Variants in PIK3AP1 observed in about 807,000 individuals in gnomAD.
PIK3AP1 encodes phosphoinositide-3-kinase adaptor protein 1.
In PIK3AP1, 21 loss-of-function variants were observed where a neutral mutation model predicts 88.1. The observed-to-expected ratio is 0.24, with a 90% CI of 0.17 to 0.34. The LOEUF (loss-of-function observed/expected upper bound fraction) is 0.34. Ranked by LOEUF, PIK3AP1 falls within the 10% of genes least tolerant of loss-of-function variation. The pLI is 1.00. For missense variants in PIK3AP1, 828 were observed against 1,035.7 expected (o/e 0.80, Z 2.75); for synonymous variants, 398 against 400.0 (o/e 1.00, Z 0.06).
intron 2 of PIK3AP1, among the ~76,000 whole-genome samples, chr10:96,663,850 T>A (rs1399611121): frequency 6.6e-6 from 1 of 152,194 alleles, no homozygotes; most frequent in South Asian, 2.1e-4. Context: ...CTAGTCATCA[T>A]GAGAATGCAA....
intron 8 of PIK3AP1, among the ~76,000 whole-genome samples, chr10:96,637,239 T>G (rs1471201035): frequency 1.3e-5 from 2 of 151,448 alleles, no homozygotes. Flanking sequence ...AGTAAGAAAG[T>G]CTAGCTTTTC....
chr10:96,628,847 CAT>C (rs1228071144), intron 8 of PIK3AP1, among the ~76,000 whole-genome samples: 1 of 138,420 alleles, frequency 7.2e-6, no homozygotes, highest in Non-Finnish European at 1.5e-5. Flanking sequence ...TACATATAAA[CAT>C]ATATATACAC....
rs745389661 is a variant in PIK3AP1 at position 96,626,747 on chromosome 10, C to T, written c.1630G>A (p.Ala544Thr). ...GGTTCGTTGTCAGGCAGCTGGTGAG[C>T]ACCAGGAGCAGTGGTCTCTGGTCTG... is the stretch of plus-strand genomic sequence containing the variant. Reference protein sequence around the residue: ...VPRPETTAPGAHQLPDNEPYI... With the variant: ...VPRPETTAPGTHQLPDNEPYI... The change falls in exon 10 of 17, where the codon GCT (alanine) becomes ACT (threonine). Residue 544 changes from alanine to threonine, a missense_variant. Around this residue, in one of 3 missense-constraint regions of PIK3AP1, gnomAD observed 610 missense variants for 760.1 expected, o/e 0.80. Transcript: ENST00000339364. 6.8e-6 allele frequency: 11 copies of T among 1,614,214 alleles called. No individual in the cohort carries two copies. The highest frequency in any genetic ancestry group is 9.3e-6 in the Non-Finnish European group (11 of 1,180,030).
intron 8 of PIK3AP1, among the ~76,000 whole-genome samples, chr10:96,638,471 GACACACACACAC>G (rs60796576): frequency 6.8e-6 from 1 of 148,130 alleles, no homozygotes; most frequent in Non-Finnish European, 1.5e-5. Context: ...CACACACACA[GACACACACACAC>G]ACACACACAC....
rs1490538895 is a variant in PIK3AP1 at position 96,616,634 on chromosome 10, C to T, written c.2014+5G>A. The T allele has an allele frequency of 1.9e-6, 3 of 1,613,894 alleles. No homozygotes were observed. The highest frequency in any genetic ancestry group is 2.5e-6 in the Non-Finnish European group (3 of 1,179,734). On this transcript the variant is annotated splice_donor_5th_base_variant and intron_variant, in intron 13 of 16. Coordinates refer to ENST00000339364, the MANE Select transcript of PIK3AP1 (RefSeq NM_152309.3). ...CACAATGCAGCACCCTAGGAAGCCA[C>T]ATACCTGTCTGCTTTCCTGATTTTT...
chr10:96,630,345 C>T (rs1843228470), intron 8 of PIK3AP1, among the ~76,000 whole-genome samples: 5 of 152,172 alleles, frequency 3.3e-5, no homozygotes, highest in South Asian at 2.1e-4. Context: ...AATTCCATAA[C>T]AGACTAGAAA....
Position 96,602,417 on chromosome 10 carries a change from GA to G in PIK3AP1, c.2242-20del. ...CATTATCCTACAGCAAAGAAGATGA[GA>G]AAGAAAGGCGAAAACTACATTCAGC... On this transcript the variant is annotated intron_variant, in intron 15 of 16. Coordinates refer to ENST00000339364, the MANE Select transcript of PIK3AP1 (RefSeq NM_152309.3). The G allele has an allele frequency of 6.3e-7, 1 of 1,595,806 alleles. No individual in the cohort carries two copies. The highest frequency in any genetic ancestry group is 8.6e-7 in the Non-Finnish European group (1 of 1,164,422).
chr10:96,643,203 T>C (rs77242626), intron 8 of PIK3AP1, among the ~76,000 whole-genome samples: 6,449 of 152,278 alleles, frequency 0.042, 473 homozygotes, highest in African/African-American at 0.14. Context: ...GAGCTGCAGA[T>C]AGGGGAAGAA....
At chr10:96,687,283 AAAG>A (rs1235017248) in intron 2 of PIK3AP1, among the ~76,000 whole-genome samples, 45 of 131,272 alleles carry the variant, frequency 3.4e-4, no homozygotes, top group Admixed American at 6.3e-4. Context: ...AAAAAAAAAA[AAAG>A]AAAAAAGATC....
chr10:96,678,536 C>T (rs1022524389), intron 2 of PIK3AP1, among the ~76,000 whole-genome samples: 2 of 152,130 alleles, frequency 1.3e-5, no homozygotes, highest in Admixed American at 1.3e-4. Flanking sequence ...TCCCAATGTG[C>T]TGGGATTATA....
chr10:96,609,034 G>A (rs971888815), intron 14 of PIK3AP1, among the ~76,000 whole-genome samples: 5 of 152,210 alleles, frequency 3.3e-5, no homozygotes, highest in African/African-American at 4.8e-5. Context: ...AGGCTGTATT[G>A]TCTGTGCAAT....
At chr10:96,698,305 G>A (rs527999395) in intron 2 of PIK3AP1, among the ~76,000 whole-genome samples, 74 of 152,240 alleles carry the variant, frequency 4.9e-4, no homozygotes, top group African/African-American at 1.7e-3. Context: ...AACAAAGAAG[G>A]GGGGAGTGGG....
intron 12 of PIK3AP1, 57 bp from the exon 13 acceptor site, chr10:96,616,768 A>T: frequency 6.6e-7 from 1 of 1,508,986 alleles, no homozygotes; most frequent in South Asian, 1.1e-5. Context: ...CCCTCTGGAC[A>T]TGAGAGTTTC....
At chr10:96,711,739 A>T (rs1020351943) in intron 1 of PIK3AP1, among the ~76,000 whole-genome samples, 30 of 66,446 alleles carry the variant, frequency 4.5e-4, no homozygotes, top group South Asian at 2.4e-3. Context: ...AGATTACCAA[A>T]TTTTTTTTTT....
At chr10:96,602,926 C>T (rs1055247569) in intron 15 of PIK3AP1, among the ~76,000 whole-genome samples, 19 of 152,172 alleles carry the variant, frequency 1.2e-4, no homozygotes, top group East Asian at 9.6e-4. Context: ...GGAAAGAAAG[C>T]GGATGTGCAC....
intron 2 of PIK3AP1, among the ~76,000 whole-genome samples, chr10:96,678,264 T>C (rs776368692): frequency 9.9e-5 from 15 of 152,084 alleles, no homozygotes; most frequent in South Asian, 6.2e-4. Flanking sequence ...TGAAACCCCG[T>C]CTCTACTAAA....
chr10:96,637,193 T>A (rs1009255462), intron 8 of PIK3AP1, among the ~76,000 whole-genome samples: 1 of 151,970 alleles, frequency 6.6e-6, no homozygotes, highest in Non-Finnish European at 1.5e-5. Context: ...AATGGGTCAG[T>A]TTGCCTCCAG....
intron 8 of PIK3AP1, among the ~76,000 whole-genome samples, chr10:96,639,062 A>G (rs1254682310): frequency 6.6e-6 from 1 of 152,204 alleles, no homozygotes; most frequent in African/African-American, 2.4e-5. Context: ...GAGAAAAGAG[A>G]AAGGCAATTT....
chr10:96,673,756 T>C (rs933985106), intron 2 of PIK3AP1, among the ~76,000 whole-genome samples: 2 of 152,288 alleles, frequency 1.3e-5, no homozygotes, highest in Admixed American at 6.5e-5. Context: ...ATGTGATTTA[T>C]TTTCACTAAG....
Sources: gnomAD v4.1 joint callset for allele counts (sites outside exome capture counted in the v4.1 genomes callset) on GRCh38, gnomAD v4.1.1 for gene constraint, gnomAD v4.1.1 regional missense constraint, MANE v1.5 for transcripts, NCBI Gene and HGNC (gene_info 2026-07-23, HGNC 2026-07-21) for gene names.